The following EGLN1 variants were observed in gnomAD, a reference collection of about 807,000 sequenced individuals.
The protein encoded by EGLN1 is egl nine homolog 1.
In EGLN1, 17 loss-of-function variants were observed where a neutral mutation model predicts 38.3. That is an observed-to-expected ratio of 0.44 (90% CI 0.30 to 0.67). EGLN1 has a LOEUF of 0.67. EGLN1 is among the 30% of genes least tolerant of loss of function. The pLI is 0.08. For missense variants in EGLN1, 477 were observed against 603.3 expected (o/e 0.79, Z 2.19); for synonymous variants, 283 against 257.5 (o/e 1.10, Z -0.95).
chr1:231,383,184 G>A (rs1688116535), intron 1 of EGLN1, among the ~76,000 whole-genome samples: 1 of 149,542 alleles, frequency 6.7e-6, no homozygotes, highest in African/African-American at 2.5e-5. Context: ...TTTTTTTTGT[G>A]TGTGGCAGAA....
intron 1 of EGLN1, among the ~76,000 whole-genome samples, chr1:231,380,237 A>G (rs1261474146): frequency 5.4e-5 from 8 of 149,104 alleles, no homozygotes; most frequent in African/African-American, 2.0e-4. Context: ...AATGGCGTGA[A>G]CCCGGGAGGC....
At chr1:231,382,852 G>GT in intron 1 of EGLN1, among the ~76,000 whole-genome samples, 1 of 152,228 alleles carries the variant, frequency 6.6e-6, no homozygotes, top group South Asian at 2.1e-4. Context: ...GAGGTCAGAA[G>GT]TTTGAGACCA....
chr1:231,396,075 A>G (rs1233493527), intron 1 of EGLN1, among the ~76,000 whole-genome samples: 1 of 150,858 alleles, frequency 6.6e-6, no homozygotes, highest in African/African-American at 2.4e-5. Flanking sequence ...TTTTAGTTCC[A>G]ATCCTAATTA....
intron 1 of EGLN1, among the ~76,000 whole-genome samples, chr1:231,401,583 C>CTAAT (rs3071894): frequency 0.54 from 82,527 of 151,700 alleles, 24,069 homozygotes; most frequent in Non-Finnish European, 0.65. Context: ...CCATGAAGAG[C>CTAAT]TAAATAATTT....
intron 1 of EGLN1, among the ~76,000 whole-genome samples, chr1:231,417,279 C>T (rs1689108571): frequency 6.6e-6 from 1 of 152,102 alleles, no homozygotes; most frequent in Admixed American, 6.5e-5. Flanking sequence ...GCTTATTAGT[C>T]CCAACCTATT....
rs1687617717 is a variant in EGLN1, at chr1:231,365,438, C to A, written c.*973G>T. ...AGTTTTTTAAAAAATTTAACTTAAA[C>A]CCCAGCCTAGGCAACATGGCAAAAC... On this transcript the variant is annotated 3_prime_UTR_variant, in exon 5 of 5. Coordinates refer to ENST00000366641, the MANE Select transcript of EGLN1 (RefSeq NM_022051.3). 1 of 152,012 alleles carries A rather than the reference C, an allele frequency of 6.6e-6. No individual in the cohort carries two copies. Among genetic ancestry groups the A allele is most frequent in the Non-Finnish European group, 1.5e-5 (1 of 68,010 alleles). The allele number at this position is 152,012 out of a possible 1,614,324, so 9.4% of individuals were successfully genotyped here. A position where few individuals can be genotyped will look rare whatever the true frequency, so the allele number is the denominator to read the frequency against.
At chr1:231,368,810 C>T (rs982101060) in intron 3 of EGLN1, among the ~76,000 whole-genome samples, 3 of 152,142 alleles carry the variant, frequency 2.0e-5, no homozygotes, top group African/African-American at 7.2e-5. Flanking sequence ...CGTTTACAGA[C>T]CCCACCACTG....
chr1:231,417,689 T>C (rs763234897), intron 1 of EGLN1, among the ~76,000 whole-genome samples: 1 of 152,212 alleles, frequency 6.6e-6, no homozygotes, highest in Non-Finnish European at 1.5e-5. Context: ...GTGGCTACAA[T>C]TACATTTCTG....
chr1:231,392,326 A>G (rs1400130789), intron 1 of EGLN1, among the ~76,000 whole-genome samples: 5 of 152,166 alleles, frequency 3.3e-5, no homozygotes, highest in Non-Finnish European at 1.5e-5. Context: ...AATAAAGCAC[A>G]AAACATTTTA....
intron 3 of EGLN1, among the ~76,000 whole-genome samples, chr1:231,369,190 A>C (rs905895821): frequency 4.6e-5 from 7 of 151,848 alleles, no homozygotes; most frequent in African/African-American, 1.5e-4. Flanking sequence ...TACTAACACG[A>C]CTGCACCCCT....
At chr1:231,412,873 G>A (rs1204190942) in intron 1 of EGLN1, among the ~76,000 whole-genome samples, 4 of 152,112 alleles carry the variant, frequency 2.6e-5, no homozygotes, top group Non-Finnish European at 5.9e-5. Flanking sequence ...CCTTCCAATC[G>A]CTCAAGCCAA....
rs140626445 is a variant in EGLN1 at position 231,416,864 on chromosome 1, T to C, written c.891+4134A>G. Among the ~76,000 whole-genome samples the C allele has an allele frequency of 2.3e-3, 356 of 152,320 alleles. 2 individuals are homozygous for C. Among genetic ancestry groups the C allele is most frequent in the African/African-American group, 8.1e-3 (337 of 41,570 alleles). ...TTGTACTATTTTCAGCCTTTCTACA[T>C]ACAGAGTAACTCACTTTTAACTTAA... On this transcript the variant is annotated intron_variant, in intron 1 of 4. Coordinates refer to ENST00000366641, the MANE Select transcript of EGLN1 (RefSeq NM_022051.3).
At chr1:231,416,098 G>A (rs1008462742) in intron 1 of EGLN1, among the ~76,000 whole-genome samples, 7 of 152,072 alleles carry the variant, frequency 4.6e-5, no homozygotes, top group Admixed American at 6.5e-5. Flanking sequence ...TGATCCACCC[G>A]CCTCAGCCTC....
intron 2 of EGLN1, among the ~76,000 whole-genome samples, chr1:231,373,670 G>A (rs1161977259): frequency 1.5e-4 from 1 of 6,572 alleles, no homozygotes; most frequent in African/African-American, 2.7e-4. Context: ...CCCTAACCTC[G>A]TGTGTGCGTG....
At chr1:231,396,943 T>A (rs935914207) in intron 1 of EGLN1, among the ~76,000 whole-genome samples, 2 of 152,346 alleles carry the variant, frequency 1.3e-5, no homozygotes, top group Non-Finnish European at 2.9e-5. Context: ...CTACCTCCAA[T>A]ACCTACATCT....
At position 231,372,165 on chromosome 1, in the gene EGLN1, C is replaced by A. The variant is rs550607906; in HGVS notation, c.1012-1467G>T. On this transcript the variant is annotated intron_variant, in intron 2 of 4. Transcript: ENST00000366641. ...ACTCTTCCTCCTCTGAATTAGGTGGCCCTCCTGTGTGCTCCATAGCAATCT... is the reference window on the plus strand; with the variant it reads ...ACTCTTCCTCCTCTGAATTAGGTGGACCTCCTGTGTGCTCCATAGCAATCT... 2.0e-5 allele frequency among the ~76,000 whole-genome samples: 3 copies of A among 152,302 alleles called. No individual in the cohort carries two copies. In the South Asian group the frequency reaches 6.2e-4, roughly 32 times the overall value.
In EGLN1 at chr1:231,391,088, T is replaced by TGTG. The variant is rs1558387104; in HGVS notation, c.892-16990_892-16989insCAC. ...TGAGACAGGGAACTCATTCTGTTTT[T>TGTG]TTTTTGTGTGTGTGTGTGTGTGTGT... On this transcript the variant is annotated intron_variant, in intron 1 of 4. Coordinates refer to ENST00000366641, the MANE Select transcript of EGLN1 (RefSeq NM_022051.3). Among the ~76,000 whole-genome samples the TGTG allele has an allele frequency of 7.1e-3, 247 of 34,718 alleles. 27 individuals are homozygous for TGTG. The highest frequency in any genetic ancestry group is 0.016 in the African/African-American group (221 of 14,020). 22.8% of individuals were successfully genotyped at this position (34,718 alleles called of 152,430 possible). A position where few individuals can be genotyped will look rare whatever the true frequency, so the allele number is the denominator to read the frequency against.
intron 1 of EGLN1, chr1:231,420,283 T>C (rs1360428327): frequency 6.6e-5 from 10 of 152,330 alleles, no homozygotes; most frequent in African/African-American, 1.7e-4. Context: ...AAGGATTACA[T>C]TAACAAAGCA....
chr1:231,390,976 T>A (rs1326742452), intron 1 of EGLN1, among the ~76,000 whole-genome samples: 3 of 151,860 alleles, frequency 2.0e-5, no homozygotes, highest in Non-Finnish European at 4.4e-5. Context: ...GTCTCCTGAG[T>A]AGCTGGGACT....
Sources: gnomAD v4.1 joint callset for allele counts (sites outside exome capture counted in the v4.1 genomes callset) on GRCh38, gnomAD v4.1.1 for gene constraint, MANE v1.5 for transcripts, NCBI Gene and HGNC (gene_info 2026-07-23, HGNC 2026-07-21) for gene names.